Variants in MYO3B observed in about 807,000 individuals in gnomAD.
MYO3B encodes the protein myosin-IIIb.
Under a neutral mutation model 174.6 loss-of-function variants are expected in MYO3B, and 156 were observed. That is an observed-to-expected ratio of 0.89 (90% CI 0.78 to 1.02). The LOEUF is 1.02. Among genes scored for constraint, MYO3B ranks in the 50% least tolerant of loss-of-function variants. The probability of loss-of-function intolerance (pLI) is 0.00; values close to 1 mark genes in which losing one functional copy is unlikely to be tolerated. For synonymous variants in MYO3B, 563 were observed against 569.1 expected (o/e 0.99, Z 0.15); for missense variants, 1,632 against 1,639.4 (o/e 1.00, Z 0.08).
intron 7 of MYO3B, among the ~76,000 whole-genome samples, chr2:170,305,284 A>T (rs558771533): frequency 6.6e-6 from 1 of 152,282 alleles, no homozygotes; most frequent in African/African-American, 2.4e-5. Context: ...ACACATAGAT[A>T]TGCTTCTCTA....
At chr2:170,362,312 C>T (rs2094167607) in intron 8 of MYO3B, among the ~76,000 whole-genome samples, 1 of 152,154 alleles carries the variant, frequency 6.6e-6, no homozygotes, top group Non-Finnish European at 1.5e-5. Context: ...TCAGGAAATG[C>T]AATGTTCTTC....
intron 32 of MYO3B, among the ~76,000 whole-genome samples, chr2:170,550,614 T>C (rs1011697087): frequency 2.6e-5 from 4 of 152,246 alleles, no homozygotes; most frequent in Admixed American, 2.0e-4. Flanking sequence ...GAGCACCTAC[T>C]ATATGTCAAC....
chr2:170,299,266 G>T (rs2093649278), intron 7 of MYO3B, among the ~76,000 whole-genome samples: 1 of 152,188 alleles, frequency 6.6e-6, no homozygotes, highest in Non-Finnish European at 1.5e-5. Flanking sequence ...GGAATAGAGA[G>T]ACAGAGTGGT....
chr2:170,371,454 G>T (rs1027062178), intron 9 of MYO3B, among the ~76,000 whole-genome samples: 1 of 151,622 alleles, frequency 6.6e-6, no homozygotes, highest in African/African-American at 2.4e-5. Flanking sequence ...TCACAAATAG[G>T]TATCAACACT....
chr2:170,595,171 G>A (rs766257602), intron 32 of MYO3B, among the ~76,000 whole-genome samples: 2 of 152,146 alleles, frequency 1.3e-5, no homozygotes, highest in Non-Finnish European at 2.9e-5. Context: ...CCATCGTTTT[G>A]CAGGGTTGTG....
rs781127094 is a variant in MYO3B, at chr2:170,369,392, T to G, written c.971+15T>G. ...GCTAAAACCAGGTACTGTACTCTCT[T>G]TCTTCTTTCTCCCTGTGGTTGTTTA... On this transcript the variant is annotated intron_variant, in intron 9 of 34. Transcript: ENST00000408978. The G allele has an allele frequency of 6.2e-7, 1 of 1,604,330 alleles. No homozygotes were observed. Among genetic ancestry groups the G allele is most frequent in the Non-Finnish European group, 8.5e-7 (1 of 1,173,790 alleles).
At chr2:170,622,621 G>A (rs1696026434) in intron 32 of MYO3B, among the ~76,000 whole-genome samples, 1 of 151,750 alleles carries the variant, frequency 6.6e-6, no homozygotes, top group Non-Finnish European at 1.5e-5. Context: ...TGTGCACAAC[G>A]TGCAGGTTTG....
chr2:170,651,222 G>T (rs1698989471), intron 32 of MYO3B, among the ~76,000 whole-genome samples: 1 of 152,132 alleles, frequency 6.6e-6, no homozygotes, highest in African/African-American at 2.4e-5. Context: ...GAGTATGTGT[G>T]CTCCAGATGT....
chr2:170,571,841 A>G (rs1692457157), intron 32 of MYO3B, among the ~76,000 whole-genome samples: 1 of 152,214 alleles, frequency 6.6e-6, no homozygotes. Context: ...CTCTGAACAC[A>G]CTGCAGAAAA....
intron 30 of MYO3B, among the ~76,000 whole-genome samples, chr2:170,522,538 CA>C (rs1688739494): frequency 6.6e-6 from 1 of 152,220 alleles, no homozygotes; most frequent in Non-Finnish European, 1.5e-5. Flanking sequence ...AATTGTCTTA[CA>C]ACATATTCTG....
Position 170,404,275 on chromosome 2 carries a change from C to T in MYO3B, c.2306C>T (p.Ala769Val). Reference protein sequence around the residue: ...QMEYQNEGIDAVPVEYEDNRP... With the variant: ...QMEYQNEGIDVVPVEYEDNRP... ...GAATATCAGAATGAAGGCATTGATG[C>T]TGTACCCGTGGAATATGAGGACAAC... The change falls in exon 20 of 35, where the codon GCT (alanine) becomes GTT (valine). Residue 769 changes from alanine to valine, a missense_variant. Physicochemically the swap from Ala to Val is moderately conservative, Grantham distance 64. Coordinates refer to ENST00000408978, the MANE Select transcript of MYO3B (RefSeq NM_138995.5). The T allele has an allele frequency of 6.2e-7, 1 of 1,611,932 alleles. No individual in the cohort carries two copies. The highest frequency in any genetic ancestry group is 8.5e-7 in the Non-Finnish European group (1 of 1,179,014).
At chr2:170,611,059 T>A (rs1695101016) in intron 32 of MYO3B, among the ~76,000 whole-genome samples, 1 of 152,118 alleles carries the variant, frequency 6.6e-6, no homozygotes, top group Admixed American at 6.6e-5. Flanking sequence ...GGCTGGTGCT[T>A]TATTAACCTC....
intron 32 of MYO3B, among the ~76,000 whole-genome samples, chr2:170,580,718 A>ATATATATATATATGTGTGTGTGTG (rs768974458): frequency 7.0e-6 from 1 of 142,702 alleles, no homozygotes; most frequent in African/African-American, 2.6e-5. Flanking sequence ...AACCTTATAT[A>ATATATATATATATGTGTGTGTGTG]TGTGTGTGTG....
intron 31 of MYO3B, 126 bp from the exon 32 acceptor site, chr2:170,543,766 T>A: frequency 1.7e-6 from 1 of 585,878 alleles, no homozygotes. Flanking sequence ...TACAAATGAT[T>A]CCAGTATACT....
At chr2:170,371,216 T>TAAAAAA (rs56689548) in intron 9 of MYO3B, among the ~76,000 whole-genome samples, 1 of 89,712 alleles carries the variant, frequency 1.1e-5, no homozygotes, top group African/African-American at 4.6e-5. Flanking sequence ...AGACAGTGTC[T>TAAAAAA]AAAAAAAAAA....
chr2:170,220,378 C>A (rs1457519595), intron 6 of MYO3B, among the ~76,000 whole-genome samples: 2 of 152,014 alleles, frequency 1.3e-5, no homozygotes, highest in African/African-American at 4.8e-5. Flanking sequence ...CGCCTGTAAT[C>A]CCAGCACTTT....
intron 23 of MYO3B, among the ~76,000 whole-genome samples, chr2:170,447,980 G>A (rs1017389194): frequency 7.9e-5 from 12 of 152,048 alleles, no homozygotes; most frequent in Admixed American, 7.2e-4. Context: ...TCGAGTCCAG[G>A]GTCTGTAAAA....
chr2:170,582,355 G>A (rs189371648), intron 32 of MYO3B, among the ~76,000 whole-genome samples: 17 of 152,300 alleles, frequency 1.1e-4, no homozygotes, highest in Non-Finnish European at 1.5e-4. Context: ...GCAAATGTGC[G>A]TGGGGTGGAG....
intron 3 of MYO3B, among the ~76,000 whole-genome samples, chr2:170,201,661 T>G (rs1422746757): frequency 1.3e-5 from 2 of 152,228 alleles, no homozygotes; most frequent in Non-Finnish European, 2.9e-5. Context: ...TTCCTTTAGT[T>G]GACTGGTTAA....
Sources: allele counts gnomAD v4.1 joint callset (sites outside exome capture counted in the v4.1 genomes callset), GRCh38; gene constraint gnomAD v4.1.1; transcripts MANE v1.5; gene names NCBI Gene and HGNC (gene_info 2026-07-23, HGNC 2026-07-21).